Variants in GRM8 observed in about 807,000 individuals in gnomAD.
The protein encoded by GRM8 is metabotropic glutamate receptor 8.
In GRM8, 47 loss-of-function variants were observed where a neutral mutation model predicts 87.2. That is an observed-to-expected ratio of 0.54 (90% CI 0.43 to 0.69). The LOEUF is 0.69. Among genes scored for constraint, GRM8 ranks in the 30% least tolerant of loss-of-function variants. The probability of loss-of-function intolerance (pLI) is 0.00; values close to 1 mark genes in which losing one functional copy is unlikely to be tolerated. For missense variants in GRM8, 1,019 were observed against 1,139.2 expected, an observed-to-expected ratio of 0.89 and a Z score of 1.52; for synonymous variants, 396 against 404.5, an observed-to-expected ratio of 0.98 and a Z score of 0.25.
At chr7:127,040,441 T>C (rs1332546024) in intron 3 of GRM8, among the ~76,000 whole-genome samples, 2 of 152,198 alleles carry the variant, frequency 1.3e-5, no homozygotes, top group African/African-American at 4.8e-5. Context: ...CCACGTTTCC[T>C]ATTCAGTTAC....
intron 7 of GRM8, among the ~76,000 whole-genome samples, chr7:126,739,242 G>T (rs552934811): frequency 6.6e-6 from 1 of 151,716 alleles, no homozygotes; most frequent in Admixed American, 6.6e-5. Context: ...GCAGAAATAA[G>T]GTCTTTTTAA....
At chr7:126,543,846 T>G (rs1233506202) in intron 8 of GRM8, among the ~76,000 whole-genome samples, 1 of 152,146 alleles carries the variant, frequency 6.6e-6, no homozygotes, top group East Asian at 1.9e-4. Flanking sequence ...TGTAAAAACA[T>G]GATCAAATGG....
At chr7:126,552,142 G>A (rs574729372) in intron 8 of GRM8, among the ~76,000 whole-genome samples, 3 of 152,136 alleles carry the variant, frequency 2.0e-5, no homozygotes, top group East Asian at 1.9e-4. Flanking sequence ...TGCCTCGTCC[G>A]TTAATTTGTC....
intron 9 of GRM8, among the ~76,000 whole-genome samples, chr7:126,482,492 C>T (rs2150599321): frequency 6.6e-6 from 1 of 152,112 alleles, no homozygotes; most frequent in East Asian, 1.9e-4. Flanking sequence ...CTCTGACATA[C>T]ACTTCAACAT....
intron 9 of GRM8, among the ~76,000 whole-genome samples, chr7:126,446,850 C>T (rs1213420372): frequency 6.6e-6 from 1 of 152,036 alleles, no homozygotes; most frequent in East Asian, 2.0e-4. Flanking sequence ...TTGAATAATG[C>T]TAGTGGTTGC....
intron 6 of GRM8, among the ~76,000 whole-genome samples, chr7:126,824,589 C>T (rs564917314): frequency 2.0e-4 from 30 of 152,202 alleles, no homozygotes; most frequent in Admixed American, 1.3e-3. Context: ...GTGGCTAAGC[C>T]CATGGCAGGC....
chr7:126,739,430 A>C (rs1205957901), intron 7 of GRM8, among the ~76,000 whole-genome samples: 2 of 139,210 alleles, frequency 1.4e-5, no homozygotes, highest in South Asian at 4.6e-4. Context: ...ACACACACAC[A>C]CCACATACAA....
At chr7:126,795,116 G>A (rs10243157) in intron 6 of GRM8, among the ~76,000 whole-genome samples, 10,582 of 152,170 alleles carry the variant, frequency 0.07, 1,178 homozygotes, top group African/African-American at 0.24. Context: ...ACATTTGGCA[G>A]CCCAAGTTAT....
chr7:126,626,963 T>C (rs1800769039), intron 7 of GRM8, among the ~76,000 whole-genome samples: 1 of 152,228 alleles, frequency 6.6e-6, no homozygotes, highest in Non-Finnish European at 1.5e-5. Flanking sequence ...GGGAAAGATT[T>C]AATATCTTTA....
intron 3 of GRM8, among the ~76,000 whole-genome samples, chr7:127,056,592 A>T (rs1016982382): frequency 6.6e-6 from 1 of 152,214 alleles, no homozygotes; most frequent in African/African-American, 2.4e-5. Context: ...AAAAGCAAGC[A>T]AGTAAAATGT....
chr7:127,226,619 A>G (rs1425830103), intron 2 of GRM8, among the ~76,000 whole-genome samples: 2 of 152,234 alleles, frequency 1.3e-5, no homozygotes, highest in Admixed American at 1.3e-4. Context: ...AAACTCAGGA[A>G]GGTTGCAAAA....
chr7:126,942,377 T>C (rs1386974188), intron 3 of GRM8, among the ~76,000 whole-genome samples: 1 of 152,170 alleles, frequency 6.6e-6, no homozygotes, highest in Non-Finnish European at 1.5e-5. Context: ...ACTATGAAAG[T>C]TGCTTGAGGG....
intron 6 of GRM8, among the ~76,000 whole-genome samples, chr7:126,804,114 C>T (rs1022458378): frequency 3.3e-5 from 5 of 152,228 alleles, no homozygotes; most frequent in African/African-American, 1.2e-4. Flanking sequence ...TCAATCTCCT[C>T]TCCTAACTGT....
intron 2 of GRM8, chr7:127,215,387 C>A (rs1039370634): frequency 6.6e-6 from 1 of 152,202 alleles, no homozygotes; most frequent in African/African-American, 2.4e-5. Context: ...CATCTTTTCA[C>A]TGAGGGTGTA....
At chr7:126,860,107 G>C (rs921374573) in intron 6 of GRM8, among the ~76,000 whole-genome samples, 1 of 152,096 alleles carries the variant, frequency 6.6e-6, no homozygotes, top group South Asian at 2.1e-4. Flanking sequence ...GGGAACAAAA[G>C]GACAAATAAC....
In GRM8 at chr7:126,977,558, C is replaced by T. The variant is rs111575746; in HGVS notation, c.728-72875G>A. On this transcript the variant is annotated intron_variant, in intron 3 of 10. Coordinates refer to ENST00000339582, the MANE Select transcript of GRM8 (RefSeq NM_000845.3). ...ATTACAGAAATTGAAGATAACCTAGCACACATCACCTCCAAAGAGAACAGA... is the reference window on the plus strand; with the variant it reads ...ATTACAGAAATTGAAGATAACCTAGTACACATCACCTCCAAAGAGAACAGA... Among the ~76,000 whole-genome samples, 1,183 of 152,306 alleles carry T rather than the reference C, an allele frequency of 7.8e-3. 6 individuals carry two copies. The highest frequency in any genetic ancestry group is 0.026 in the African/African-American group (1,092 of 41,552).
chr7:127,182,215 A>C (rs1794481318), intron 2 of GRM8, among the ~76,000 whole-genome samples: 1 of 152,162 alleles, frequency 6.6e-6, no homozygotes, highest in Non-Finnish European at 1.5e-5. Flanking sequence ...AAAAAAAGAT[A>C]TACAAATGGC....
intron 6 of GRM8, among the ~76,000 whole-genome samples, chr7:126,848,840 C>T (rs1796945268): frequency 6.6e-6 from 1 of 152,040 alleles, no homozygotes; most frequent in Non-Finnish European, 1.5e-5. Flanking sequence ...TTTCACACTG[C>T]TGATAAAGAC....
At chr7:126,560,642 C>G (rs1793595776) in intron 8 of GRM8, among the ~76,000 whole-genome samples, 1 of 152,118 alleles carries the variant, frequency 6.6e-6, no homozygotes, top group African/African-American at 2.4e-5. Flanking sequence ...TTTTCTATAA[C>G]AGATTTCTCC....
Sources: gnomAD v4.1 joint callset for allele counts (sites outside exome capture counted in the v4.1 genomes callset) on GRCh38, gnomAD v4.1.1 for gene constraint, MANE v1.5 for transcripts, NCBI Gene and HGNC (gene_info 2026-07-23, HGNC 2026-07-21) for gene names.